Variants in GLG1 observed in about 807,000 individuals in gnomAD.
GLG1 encodes the protein Golgi apparatus protein 1.
Under a neutral mutation model 160.5 loss-of-function variants are expected in GLG1, and 38 were observed. The observed-to-expected ratio is 0.24, with a 90% confidence interval of 0.18 to 0.31. The LOEUF (loss-of-function observed/expected upper bound fraction) is 0.31, where lower values mean the gene tolerates loss of function less well. GLG1 is among the 10% of genes least tolerant of loss of function. The pLI is 1.00. For synonymous variants in GLG1, 644 were observed against 543.4 expected (o/e 1.19, Z -2.57); for missense variants, 1,373 against 1,505.2 (o/e 0.91, Z 1.45).
chr16:74,467,944 G>T, intron 17 of GLG1, 96 bp from the exon 18 acceptor site: 1 of 777,786 alleles, frequency 1.3e-6, no homozygotes, highest in Non-Finnish European at 2.1e-6. Flanking sequence ...CTTGTCTAGT[G>T]ACCCTGGCTT....
intron 1 of GLG1, among the ~76,000 whole-genome samples, chr16:74,567,390 A>C (rs952594637): frequency 2.0e-5 from 3 of 152,112 alleles, no homozygotes; most frequent in African/African-American, 7.2e-5. Context: ...TGAAATGAGA[A>C]ATTGACAGGT....
rs751653504 is a variant in GLG1, at chr16:74,496,468, T to G, written c.951A>C (p.Arg317=). The part of the protein sequence containing the change: ...HLDRHLYFAC[R]DDRERFCENT... ...TTTCACAAAAACGCTCCCGATCATC[T>G]CGGCAAGCAAAATATAAATGCCGGT... is the stretch of plus-strand genomic sequence containing the variant. Residue 317 remains arginine (R), a synonymous_variant, in exon 5 of 26, where the codon CGA becomes CGC. Coordinates refer to ENST00000422840, the MANE Select transcript of GLG1 (RefSeq NM_001145667.2). 1 of 1,613,770 alleles carries G rather than the reference T, an allele frequency of 6.2e-7. No individual in the cohort carries two copies. Among genetic ancestry groups the G allele is most frequent in the Middle Eastern group, 1.7e-4 (1 of 6,060 alleles).
chr16:74,564,783 T>G (rs1012883307), intron 1 of GLG1, among the ~76,000 whole-genome samples: 1 of 152,222 alleles, frequency 6.6e-6, no homozygotes, highest in South Asian at 2.1e-4. Context: ...AAGTCACTCA[T>G]GCTAAATGCA....
intron 18 of GLG1, among the ~76,000 whole-genome samples, chr16:74,466,986 G>A (rs1236505732): frequency 6.6e-6 from 1 of 152,158 alleles, no homozygotes; most frequent in African/African-American, 2.4e-5. Context: ...CAGAACTGAA[G>A]GAACACATAG....
chr16:74,513,108 T>C (rs1423839453), intron 2 of GLG1, among the ~76,000 whole-genome samples: 1 of 152,092 alleles, frequency 6.6e-6, no homozygotes, highest in Admixed American at 6.5e-5. Context: ...TATTAAAGGT[T>C]TTGAATTTTA....
At chr16:74,470,379 CTCCT>C (rs754988602) in intron 15 of GLG1, among the ~76,000 whole-genome samples, 9 of 139,698 alleles carry the variant, frequency 6.4e-5, no homozygotes, top group Admixed American at 1.5e-4. Context: ...CCTTCCCTCC[CTCCT>C]TCCTTCCTTC....
intron 1 of GLG1, among the ~76,000 whole-genome samples, chr16:74,560,387 G>C (rs916020340): frequency 6.7e-6 from 1 of 149,226 alleles, no homozygotes; most frequent in Middle Eastern, 3.4e-3. Context: ...GAGTGCAATG[G>C]CACGATCTCA....
intron 23 of GLG1, chr16:74,458,252 G>T: frequency 2.7e-6 from 1 of 370,456 alleles, no homozygotes; most frequent in Non-Finnish European, 4.9e-6. Flanking sequence ...TCAGATTTGT[G>T]TTTTTGGCAT....
At chr16:74,520,415 T>C (rs1408296962) in intron 2 of GLG1, among the ~76,000 whole-genome samples, 15 of 152,312 alleles carry the variant, frequency 9.8e-5, no homozygotes, top group Admixed American at 9.2e-4. Flanking sequence ...GGTGTGTGGA[T>C]TACCTGAGGT....
rs1338081885 is a variant in GLG1 at position 74,606,930 on chromosome 16, G to A, written c.165C>T (p.Gly55=). 3.1e-6 allele frequency: 5 copies of A among 1,607,928 alleles called. No homozygotes were observed. Among genetic ancestry groups the A allele is most frequent in the Non-Finnish European group, 4.2e-6 (5 of 1,178,650 alleles). The part of the protein sequence containing the change: ...NFVSFVGQAG[G]GGPAGQQLPQ... ...GCAGCTGCTGACCCGCCGGGCCGCC[G>A]CCTCCGGCCTGCCCTACGAAGGACA... Residue 55 remains glycine, a synonymous_variant, in exon 1 of 26, where the codon GGC becomes GGT. Transcript: ENST00000422840.
chr16:74,576,287 A>G (rs1465787793), intron 1 of GLG1, among the ~76,000 whole-genome samples: 1 of 152,246 alleles, frequency 6.6e-6, no homozygotes, highest in East Asian at 1.9e-4. Flanking sequence ...CAACTATTAA[A>G]GACTGACAAA....
chr16:74,470,327 TTCCTTCTTTCCTTCCC>T (rs1480930876), intron 15 of GLG1, among the ~76,000 whole-genome samples: 53 of 145,142 alleles, frequency 3.7e-4, no homozygotes, highest in Non-Finnish European at 5.2e-4. Flanking sequence ...CTTCCTTCCT[TTCCTTCTTTCCTTCCC>T]TCCTTCCTTC....
intron 1 of GLG1, among the ~76,000 whole-genome samples, chr16:74,576,600 G>C (rs908168384): frequency 3.5e-4 from 53 of 152,140 alleles, no homozygotes; most frequent in Non-Finnish European, 2.4e-4. Context: ...ACAGGTTGTG[G>C]GGCTGGATCT....
intron 2 of GLG1, among the ~76,000 whole-genome samples, chr16:74,524,726 C>T (rs1053752464): frequency 1.3e-5 from 2 of 152,276 alleles, no homozygotes; most frequent in South Asian, 4.2e-4. Flanking sequence ...GCTGGTTATA[C>T]TACTCTGTTG....
intron 2 of GLG1, among the ~76,000 whole-genome samples, chr16:74,516,864 A>T (rs969089166): frequency 6.6e-6 from 1 of 152,168 alleles, no homozygotes; most frequent in Non-Finnish European, 1.5e-5. Flanking sequence ...AAAATAATAA[A>T]GGGGCTATCA....
chr16:74,598,733 A>G (rs1567549600), intron 1 of GLG1, among the ~76,000 whole-genome samples: 1 of 151,126 alleles, frequency 6.6e-6, no homozygotes, highest in Non-Finnish European at 1.5e-5. Flanking sequence ...TCTCTACAAA[A>G]ATTAGCCGGG....
intron 1 of GLG1, among the ~76,000 whole-genome samples, chr16:74,536,216 T>G (rs1186924276): frequency 1.8e-4 from 28 of 152,292 alleles, no homozygotes; most frequent in Admixed American, 1.6e-3. Flanking sequence ...TCAGATATAG[T>G]ACATCTATTT....
At chr16:74,486,958 G>C (rs1300490501) in intron 8 of GLG1, among the ~76,000 whole-genome samples, 1 of 147,996 alleles carries the variant, frequency 6.8e-6, no homozygotes, top group African/African-American at 2.5e-5. Context: ...CTGTCACCCA[G>C]GCTGGAGTGC....
At chr16:74,482,300 T>C (rs952515626) in intron 10 of GLG1, among the ~76,000 whole-genome samples, 2 of 152,144 alleles carry the variant, frequency 1.3e-5, no homozygotes, top group South Asian at 2.1e-4. Flanking sequence ...CCAAAATATA[T>C]ATTAATCACC....
Sources: gnomAD v4.1 joint callset for allele counts (sites outside exome capture counted in the v4.1 genomes callset) on GRCh38, gnomAD v4.1.1 for gene constraint, MANE v1.5 for transcripts, NCBI Gene and HGNC (gene_info 2026-07-23, HGNC 2026-07-21) for gene names.